Variants in PIGL observed in about 807,000 individuals in gnomAD.
PIGL encodes the protein phosphatidylinositol glycan anchor biosynthesis class L.
Under a neutral mutation model 31.1 loss-of-function variants are expected in PIGL, and 22 were observed. The ratio of observed to expected loss-of-function variants is 0.71; its 90% CI spans 0.51 to 1.01. PIGL has a LOEUF of 1.01. Ranked by LOEUF, PIGL falls within the 50% of genes least tolerant of loss-of-function variation. The probability of loss-of-function intolerance (pLI) is 0.00; values close to 1 mark genes in which losing one functional copy is unlikely to be tolerated. For missense variants in PIGL, 302 were observed against 315.9 expected (o/e 0.96, Z 0.33); for synonymous variants, 131 against 117.4 (o/e 1.12, Z -0.75).
chr17:16,319,750 G>A (rs1402459650), intron 6 of PIGL, among the ~76,000 whole-genome samples: 6 of 146,488 alleles, frequency 4.1e-5, no homozygotes, highest in Non-Finnish European at 9.0e-5. Context: ...GCGAGACTCC[G>A]TCTCCAAAAA....
chr17:16,267,082 A>G (rs1419404199), intron 2 of PIGL, among the ~76,000 whole-genome samples: 1 of 152,170 alleles, frequency 6.6e-6, no homozygotes, highest in African/African-American at 2.4e-5. Context: ...AATCTACATA[A>G]AAGATTAGAT....
intron 2 of PIGL, among the ~76,000 whole-genome samples, chr17:16,282,328 T>C (rs1386936607): frequency 6.6e-6 from 1 of 152,092 alleles, no homozygotes; most frequent in African/African-American, 2.4e-5. Context: ...TCCATATCCT[T>C]GTTCTTTACA....
At chr17:16,233,926 C>T in intron 1 of PIGL, 45 bp from the exon 2 acceptor site, 1 of 1,064,398 alleles carries the variant, frequency 9.4e-7, no homozygotes, top group Non-Finnish European at 1.4e-6. Flanking sequence ...TAGGTCTCCA[C>T]TGTTAAAAAA....
intron 2 of PIGL, among the ~76,000 whole-genome samples, chr17:16,280,700 TTTTTG>T (rs531108561): frequency 6.6e-6 from 1 of 152,072 alleles, no homozygotes; most frequent in African/African-American, 2.4e-5. Flanking sequence ...CTCAGTGTTT[TTTTTG>T]TTTTGTTTTG....
At chr17:16,240,471 C>G (rs1429120007) in intron 2 of PIGL, among the ~76,000 whole-genome samples, 1 of 152,026 alleles carries the variant, frequency 6.6e-6, no homozygotes, top group Non-Finnish European at 1.5e-5. Context: ...AGCCACCACG[C>G]GCAGCCCCAG....
At position 16,254,930 on chromosome 17, in the gene PIGL, G is replaced by A. The variant is rs76906128; in HGVS notation, c.335+20860G>A. ...ATACACTAGTTTTTTACTGTAGGCC[G>A]TAAGGCCCTTTGAACCCTCGATATA... On this transcript the variant is annotated intron_variant, in intron 2 of 6. Transcript: ENST00000225609. Among the ~76,000 whole-genome samples the A allele has an allele frequency of 1.3e-3, 203 of 152,292 alleles. 1 individual carries two copies. Among genetic ancestry groups the A allele is most frequent in the Non-Finnish European group, 2.4e-3 (161 of 68,026 alleles).
rs111745664 is a variant in PIGL at position 16,231,474 on chromosome 17, A to G, written c.236-2497A>G. On this transcript the variant is annotated intron_variant, in intron 1 of 6. Transcript: ENST00000225609. ...AGGCTGGTTTTGAACTCCTGGCCTC[A>G]AGTGATCCTCTTGCCACAGCCTTCC... Among the ~76,000 whole-genome samples the G allele has an allele frequency of 6.1e-4, 92 of 152,048 alleles. 1 individual carries two copies. Among genetic ancestry groups the G allele is most frequent in the African/African-American group, 2.1e-3 (89 of 41,502 alleles).
At chr17:16,299,777 AC>A (rs11422750) in intron 2 of PIGL, 110 bp from the exon 3 acceptor site, 1 of 759,734 alleles carries the variant, frequency 1.3e-6, no homozygotes, top group Non-Finnish European at 2.4e-6. Context: ...AAGGGCAGGG[AC>A]CCTTACCCCC....
rs748928388 is a variant in PIGL at position 16,325,830 on chromosome 17, C to G, written c.691C>G (p.Leu231Val). The change falls in exon 7 of 7, where the codon CTC (leucine) becomes GTC (valine). Residue 231 changes from leucine to valine, a missense_variant. Transcript: ENST00000225609. ...KAMSCHRSQL[L>V]WFRRLYIIFS... ...CATGTCCTGCCACCGCAGCCAGCTC[C>G]TCTGGTTCCGCCGCCTCTACATTAT... is the stretch of plus-strand genomic sequence containing the variant. 6.2e-7 allele frequency: 1 copy of G among 1,613,872 alleles called. No homozygotes were observed. Among genetic ancestry groups the G allele is most frequent in the Admixed American group, 1.7e-5 (1 of 59,990 alleles).
At chr17:16,298,650 C>T (rs1302320836) in intron 2 of PIGL, among the ~76,000 whole-genome samples, 3 of 152,218 alleles carry the variant, frequency 2.0e-5, no homozygotes, top group Non-Finnish European at 2.9e-5. Context: ...AGTGCTAAAG[C>T]ATTTTGGCTT....
chr17:16,272,367 T>C lies in PIGL; in HGVS notation c.336-27521T>C, dbSNP rs1222681342. On this transcript the variant is annotated intron_variant, in intron 2 of 6. Coordinates refer to ENST00000225609, the MANE Select transcript of PIGL (RefSeq NM_004278.4). ...TATGCCATGTAATCTGTTATAGTCA[T>C]AGCATGCCTTCCTGGAAATTTTCAT... 2.0e-5 allele frequency among the ~76,000 whole-genome samples: 3 copies of C among 152,232 alleles called. No homozygotes were observed. The East Asian group carries it at 5.8e-4, about 29-fold the overall frequency.
At chr17:16,276,094 G>A (rs1280595220) in intron 2 of PIGL, among the ~76,000 whole-genome samples, 2 of 152,170 alleles carry the variant, frequency 1.3e-5, no homozygotes, top group African/African-American at 2.4e-5. Context: ...ATATCTGAAA[G>A]ATTAATAAGT....
chr17:16,241,550 A>G (rs1224949539), intron 2 of PIGL, among the ~76,000 whole-genome samples: 1 of 152,080 alleles, frequency 6.6e-6, no homozygotes, highest in Non-Finnish European at 1.5e-5. Context: ...ATGGGCAACA[A>G]GAGTGAAACT....
At chr17:16,321,045 C>A (rs2093103411) in intron 6 of PIGL, among the ~76,000 whole-genome samples, 1 of 148,674 alleles carries the variant, frequency 6.7e-6, no homozygotes, top group Non-Finnish European at 1.5e-5. Context: ...TCAAGCAATT[C>A]TCCTGCCTCA....
chr17:16,320,838 T>C (rs1411174034), intron 6 of PIGL, among the ~76,000 whole-genome samples: 1 of 151,942 alleles, frequency 6.6e-6, no homozygotes, highest in Non-Finnish European at 1.5e-5. Context: ...TTTCACCATA[T>C]TGGTCAGGCT....
At chr17:16,317,548 C>T (rs2093083180) in intron 5 of PIGL, 2 of 1,277,256 alleles carry the variant, frequency 1.6e-6, no homozygotes, top group Non-Finnish European at 2.0e-6. Flanking sequence ...TGGTAGGGCA[C>T]ACCGCAGGGT....
intron 2 of PIGL, among the ~76,000 whole-genome samples, chr17:16,240,399 A>G (rs2092717750): frequency 6.6e-6 from 1 of 152,032 alleles, no homozygotes; most frequent in Non-Finnish European, 1.5e-5. Context: ...GCTGGTTTGG[A>G]ACTCCTAGGC....
At chr17:16,318,032 C>G in intron 6 of PIGL, 124 bp downstream of exon 6, 1 of 775,870 alleles carries the variant, frequency 1.3e-6, no homozygotes, top group South Asian at 1.6e-5. Context: ...GCACCTGTCC[C>G]TGAGAATTAG....
chr17:16,255,289 G>A (rs1247933674), intron 2 of PIGL, among the ~76,000 whole-genome samples: 2 of 152,112 alleles, frequency 1.3e-5, no homozygotes, highest in Admixed American at 1.3e-4. Context: ...ACTTAGGTTT[G>A]AAAGTATTTT....
Sources: gnomAD v4.1 joint callset for allele counts (sites outside exome capture counted in the v4.1 genomes callset) on GRCh38, gnomAD v4.1.1 for gene constraint, MANE v1.5 for transcripts, NCBI Gene and HGNC (gene_info 2026-07-23, HGNC 2026-07-21) for gene names.